Variants in LYSMD2 observed in about 807,000 individuals in gnomAD.
LYSMD2 encodes the protein LysM domain containing 2.
Under a neutral mutation model 17.7 loss-of-function variants are expected in LYSMD2, and 6 were observed. That is an observed-to-expected ratio of 0.34 (90% CI 0.19 to 0.67). The LOEUF is 0.67. LYSMD2 is among the 30% of genes least tolerant of loss of function. The pLI is 0.69. For synonymous variants in LYSMD2, 102 were observed against 129.8 expected (o/e 0.79, Z 1.45); for missense variants, 237 against 286.7 (o/e 0.83, Z 1.25).
upstream of LYSMD2, among the ~76,000 whole-genome samples, chr15:51,738,410 AG>A (rs893732734): frequency 5.9e-5 from 9 of 152,086 alleles, no homozygotes; most frequent in African/African-American, 1.9e-4. Flanking sequence ...CAGGCTCAGT[AG>A]TTGGAATTTA....
rs1198983286 is a variant in LYSMD2, at chr15:51,737,439, G to A, written c.184C>T (p.Leu62=). Residue 62 remains leucine, a synonymous_variant, in exon 1 of 3, where the codon CTG becomes TTG. Transcript: ENST00000267838. This position sits in a 1 kb window ranked among gnomAD's most constrained non-coding sequence, Gnocchi z 4.2. ...TGGCGCTCGATGACGCCGGCGCCCA[G>A]CGGCGCCCGCACGCTGGCGGTGCTG... ...YGSTASVRAP[L]GAGVIERHVE... 5 of 1,432,798 alleles carry A rather than the reference G, an allele frequency of 3.5e-6. No homozygotes were observed. Among genetic ancestry groups the A allele is most frequent in the Non-Finnish European group, 4.6e-6 (5 of 1,096,914 alleles). The allele number at this position is 1,432,798 out of a possible 1,614,324, so 88.8% of individuals were successfully genotyped here.
Position 51,723,219 on chromosome 15 carries a change from C to T in LYSMD2, c.*388G>A, listed in dbSNP as rs79559631. The T allele has an allele frequency of 0.027, 4,717 of 173,088 alleles. 259 individuals are homozygous for T. The highest frequency in any genetic ancestry group is 0.11 in the African/African-American group (4,446 of 41,702). The allele number at this position is 173,088 out of a possible 1,614,324, so 10.7% of individuals were successfully genotyped here. A position where few individuals can be genotyped will look rare whatever the true frequency, so the allele number is the denominator to read the frequency against. On this transcript the variant is annotated 3_prime_UTR_variant, in exon 3 of 3. Transcript: ENST00000267838. Reference sequence around the variant, plus strand: ...TTAAGTTATAAACACACAGCAAATTCAGCATCACTTAAACAGCAACCATAT... The same window carrying T: ...TTAAGTTATAAACACACAGCAAATTTAGCATCACTTAAACAGCAACCATAT...
Position 51,737,341 on chromosome 15 carries a change from C to T in LYSMD2, c.273+9G>A, listed in dbSNP as rs1184171656. 7 of 1,375,598 alleles carry T rather than the reference C, an allele frequency of 5.1e-6. No homozygotes were observed. The highest frequency in any genetic ancestry group is 6.6e-6 in the Non-Finnish European group (7 of 1,065,198). The allele number at this position is 1,375,598 out of a possible 1,614,324, so 85.2% of individuals were successfully genotyped here. ...GCCAGCCCGGGCCGCGGCGGCGCGC[C>T]CTGCTCACCGTGACACCGTACTTGA... On this transcript the variant is annotated intron_variant, in intron 1 of 2. Coordinates refer to ENST00000267838, the MANE Select transcript of LYSMD2 (RefSeq NM_153374.3). This position sits in a 1 kb window ranked among gnomAD's most constrained non-coding sequence, Gnocchi z 4.2.
At chr15:51,741,552 C>A (rs1266946348), upstream of LYSMD2, among the ~76,000 whole-genome samples, 2 of 152,166 alleles carry the variant, frequency 1.3e-5, no homozygotes, top group South Asian at 2.1e-4. Context: ...TTACTAATTT[C>A]TTGAATTGTG....
In LYSMD2 at chr15:51,743,001, T is replaced by C. The variant is rs559293218; in HGVS notation, c.-1+8270A>G. ...GCATACATACATACATATGTCTAAC[T>C]TGAGGACTTCTATTTTGTCTTTCAT... On this transcript the variant is annotated intron_variant, in intron 1 of 2. Transcript: ENST00000454181. Among the ~76,000 whole-genome samples, 17 of 152,312 alleles carry C rather than the reference T, an allele frequency of 1.1e-4. No homozygotes were observed. The East Asian group carries it at 1.9e-3, about 17-fold the overall frequency.
At chr15:51,729,510 G>A (rs9989282) in intron 1 of LYSMD2, among the ~76,000 whole-genome samples, 7,385 of 152,322 alleles carry the variant, frequency 0.048, 586 homozygotes, top group African/African-American at 0.17. Flanking sequence ...CCAGACTGGA[G>A]TGCAGTGGCA....
upstream of LYSMD2, among the ~76,000 whole-genome samples, chr15:51,739,837 G>A (rs992053266): frequency 1.3e-5 from 2 of 152,122 alleles, no homozygotes; most frequent in Non-Finnish European, 1.5e-5. Context: ...TGAGGTGGGA[G>A]GATTGCTTAA....
chr15:51,732,682 T>G (rs73405364), intron 1 of LYSMD2, among the ~76,000 whole-genome samples: 8,954 of 152,162 alleles, frequency 0.059, 302 homozygotes, highest in East Asian at 0.095. Context: ...TTCTTTCCCA[T>G]CCCCAGGATG....
chr15:51,737,471 G>A lies in LYSMD2; in HGVS notation c.152C>T (p.Ser51Leu). 1 of 1,422,394 alleles carries A rather than the reference G, an allele frequency of 7.0e-7. No homozygotes were observed. The highest frequency in any genetic ancestry group is 1.4e-5 in the South Asian group (1 of 71,542). 88.1% of individuals were successfully genotyped at this position (1,422,394 alleles called of 1,614,324 possible). ...CCGCACGCTGGCGGTGCTGCCGTACGAGCGGGTCTTGGTGCGGGCCAGGCT... is the reference window on the plus strand; with the variant it reads ...CCGCACGCTGGCGGTGCTGCCGTACAAGCGGGTCTTGGTGCGGGCCAGGCT... ...SLSLARTKTRSYGSTASVRAP... is the reference protein window; with the variant it reads ...SLSLARTKTRLYGSTASVRAP... Residue 51 changes from serine (S) to leucine (L), a missense_variant, in exon 1 of 3, where the codon TCG becomes TTG. Physicochemically the swap from Ser to Leu is moderately radical, Grantham distance 145. Transcript: ENST00000267838. The surrounding 1 kb of genome is among the most constrained non-coding windows in gnomAD (Gnocchi z 4.2).
At chr15:51,742,775 T>C (rs532072284) in intron 1 of LYSMD2, among the ~76,000 whole-genome samples, 5 of 152,160 alleles carry the variant, frequency 3.3e-5, no homozygotes, top group East Asian at 1.9e-4. Context: ...CTGGCCAAAA[T>C]AGTCATATTT....
In LYSMD2 at chr15:51,744,775, T is replaced by C. The variant is rs559946978; in HGVS notation, c.-1+6496A>G. Among the ~76,000 whole-genome samples, 27 of 152,198 alleles carry C rather than the reference T, an allele frequency of 1.8e-4. 2 individuals are homozygous for C. The South Asian group carries it at 4.1e-3, about 23-fold the overall frequency. Reference sequence around the variant, plus strand: ...TTCACCAGCTAAACCATCTGAGTTATGATAAATGAAACAGAGACTAGAAAA... The same window carrying C: ...TTCACCAGCTAAACCATCTGAGTTACGATAAATGAAACAGAGACTAGAAAA... On this transcript the variant is annotated intron_variant, in intron 1 of 2. Transcript: ENST00000454181.
chr15:51,737,660 A>C, upstream of LYSMD2: 1 of 1,199,734 alleles, frequency 8.3e-7, no homozygotes, highest in South Asian at 4.2e-5. The surrounding 1 kb of genome is among the most constrained non-coding windows in gnomAD (Gnocchi z 4.2). Flanking sequence ...GAGCTTGCCA[A>C]GGGGGCGGCG....
chr15:51,739,209 G>A (rs1316752487), upstream of LYSMD2, among the ~76,000 whole-genome samples: 1 of 152,158 alleles, frequency 6.6e-6, no homozygotes, highest in African/African-American at 2.4e-5. Context: ...TTAACTCTCT[G>A]TGTTTTGTGT....
At chr15:51,738,560 G>A (rs1232980494), upstream of LYSMD2, among the ~76,000 whole-genome samples, 1 of 151,978 alleles carries the variant, frequency 6.6e-6, no homozygotes, top group African/African-American at 2.4e-5. Context: ...GTCTACTCTT[G>A]AACACCCTTT....
intron 1 of LYSMD2, among the ~76,000 whole-genome samples, chr15:51,734,474 C>T (rs771035746): frequency 5.3e-5 from 8 of 152,192 alleles, no homozygotes; most frequent in Non-Finnish European, 8.8e-5. Context: ...AGTCTCTGTT[C>T]TGGGAACTTC....
chr15:51,739,177 A>T (rs146443450), upstream of LYSMD2, among the ~76,000 whole-genome samples: 2 of 152,280 alleles, frequency 1.3e-5, no homozygotes, highest in African/African-American at 4.8e-5. Flanking sequence ...AGAGGTTTGT[A>T]TTAATACCTC....
At chr15:51,743,959 T>G (rs1426278339) in intron 1 of LYSMD2, among the ~76,000 whole-genome samples, 1 of 152,210 alleles carries the variant, frequency 6.6e-6, no homozygotes, top group Non-Finnish European at 1.5e-5. Flanking sequence ...GTAATAATCT[T>G]GTATCCTACA....
chr15:51,730,446 G>A (rs892606251), intron 1 of LYSMD2, among the ~76,000 whole-genome samples: 7 of 152,234 alleles, frequency 4.6e-5, no homozygotes, highest in African/African-American at 1.2e-4. Context: ...AGCCTGAGAG[G>A]TCAAGGCTGT....
intron 1 of LYSMD2, among the ~76,000 whole-genome samples, chr15:51,745,701 A>G (rs114019996): frequency 2.4e-3 from 368 of 152,264 alleles, no homozygotes; most frequent in African/African-American, 8.5e-3. Context: ...CAAATCGCAT[A>G]TCTAATAAGG....
Sources: allele counts gnomAD v4.1 joint callset (sites outside exome capture counted in the v4.1 genomes callset), GRCh38; gene constraint gnomAD v4.1.1; non-coding constraint Gnocchi (gnomAD v3.1); transcripts MANE v1.5; gene names NCBI Gene and HGNC (gene_info 2026-07-23, HGNC 2026-07-21).